The following CRIM1 variants were observed in gnomAD, a reference collection of about 807,000 sequenced individuals.
The protein encoded by CRIM1 is cysteine rich transmembrane BMP regulator 1, also known as cysteine-rich motor neuron 1 protein.
A neutral mutation model predicts 116.4 loss-of-function variants in CRIM1; 32 were observed. The observed-to-expected ratio is 0.27, with a 90% CI of 0.21 to 0.37. The LOEUF is 0.37. Among genes scored for constraint, CRIM1 ranks in the 10% least tolerant of loss-of-function variants. CRIM1 has a pLI of 1.00. For missense variants in CRIM1, 1,331 were observed against 1,354.8 expected (o/e 0.98, Z 0.28); for synonymous variants, 590 against 509.2 (o/e 1.16, Z -2.13).
intron 1 of CRIM1, among the ~76,000 whole-genome samples, chr2:36,359,267 C>G (rs1332400012): frequency 6.6e-6 from 1 of 152,188 alleles, no homozygotes; most frequent in African/African-American, 2.4e-5. Context: ...ATTTAATTGG[C>G]TACGTTGTAA....
rs1681712884 is a variant in CRIM1 at position 36,510,119 on chromosome 2, G to T, written c.1638G>T (p.Lys546Asn). 3 of 1,613,722 alleles carry T rather than the reference G, an allele frequency of 1.9e-6. No homozygotes were observed. Among genetic ancestry groups the T allele is most frequent in the Non-Finnish European group, 2.5e-6 (3 of 1,179,912 alleles). ...PKKCRPIICD[K>N]YCPLGLLKNK... is the part of the protein sequence containing the mutation. Reference sequence around the variant, plus strand: ...AGTGCAGACCCATAATCTGTGACAAGTATTGTCCACTTGGATTGCTGTACG... The same window carrying T: ...AGTGCAGACCCATAATCTGTGACAATTATTGTCCACTTGGATTGCTGTACG... Residue 546 changes from lysine to asparagine, a missense_variant, in exon 9 of 17, where the codon AAG (lysine) becomes AAT (asparagine). Coordinates refer to ENST00000280527, the MANE Select transcript of CRIM1 (RefSeq NM_016441.3).
intron 1 of CRIM1, among the ~76,000 whole-genome samples, chr2:36,363,202 A>G (rs1433496540): frequency 6.7e-6 from 1 of 149,262 alleles, no homozygotes; most frequent in Non-Finnish European, 1.5e-5. Flanking sequence ...CCTGTCTCAA[A>G]AAAAAAAAAA....
chr2:36,450,335 A>G (rs949647738), intron 4 of CRIM1, among the ~76,000 whole-genome samples: 2 of 152,152 alleles, frequency 1.3e-5, no homozygotes, highest in African/African-American at 4.8e-5. Flanking sequence ...CTGTTGCCAC[A>G]TCACTTTCCC....
intron 4 of CRIM1, 138 bp from the exon 5 acceptor site, chr2:36,464,396 C>A: frequency 1.2e-6 from 1 of 829,484 alleles, no homozygotes; most frequent in Non-Finnish European, 1.9e-6. Context: ...TTCCCATTTC[C>A]CAGTGACACC....
chr2:36,430,948 A>G (rs560512047), intron 2 of CRIM1, among the ~76,000 whole-genome samples: 1 of 152,302 alleles, frequency 6.6e-6, no homozygotes, highest in African/African-American at 2.4e-5. Flanking sequence ...GAAATTACCT[A>G]TATAAGGCTG....
intron 1 of CRIM1, among the ~76,000 whole-genome samples, chr2:36,389,605 G>C (rs1001583324): frequency 6.6e-6 from 1 of 152,086 alleles, no homozygotes; most frequent in African/African-American, 2.4e-5. Flanking sequence ...CATATAATAG[G>C]ATGCAGCCAT....
rs560209079 is a variant in CRIM1, at chr2:36,387,051, G to A, written c.332-9563G>A. 6.9e-4 allele frequency among the ~76,000 whole-genome samples: 105 copies of A among 152,310 alleles called. 1 individual carries two copies. The highest frequency in any genetic ancestry group is 6.8e-3 in the Middle Eastern group (2 of 294). On this transcript the variant is annotated intron_variant, in intron 1 of 16. Transcript: ENST00000280527. ...AACTGGCTTTGTGTTATTCCATGCC[G>A]GGTACTCAAATGACTGCATGTTGGA...
At chr2:36,492,160 T>A (rs1046918633) in intron 7 of CRIM1, among the ~76,000 whole-genome samples, 16 of 152,140 alleles carry the variant, frequency 1.1e-4, no homozygotes, top group Admixed American at 2.6e-4. Context: ...AATAAATAGG[T>A]CTAAAATAAA....
intron 5 of CRIM1, 41 bp downstream of exon 5, chr2:36,464,696 T>C: frequency 6.2e-7 from 1 of 1,602,300 alleles, no homozygotes. Flanking sequence ...TGTACATTTG[T>C]GCAGAGGAGG....
chr2:36,453,175 G>A (rs563036882), intron 4 of CRIM1, among the ~76,000 whole-genome samples: 1 of 152,332 alleles, frequency 6.6e-6, no homozygotes, highest in Non-Finnish European at 1.5e-5. Flanking sequence ...GCAACAGTTT[G>A]CAGATAATTC....
intron 12 of CRIM1, among the ~76,000 whole-genome samples, chr2:36,520,045 C>A (rs2125126703): frequency 6.6e-6 from 1 of 152,188 alleles, no homozygotes; most frequent in South Asian, 2.1e-4. Context: ...AGAAAAGAGG[C>A]CCAAAGAAGG....
At chr2:36,456,781 C>A (rs935433664) in intron 4 of CRIM1, among the ~76,000 whole-genome samples, 4 of 152,096 alleles carry the variant, frequency 2.6e-5, no homozygotes, top group Non-Finnish European at 5.9e-5. Flanking sequence ...CTGTCTCCAC[C>A]CCCCCACCAC....
At chr2:36,450,210 G>T (rs1230476741) in intron 4 of CRIM1, among the ~76,000 whole-genome samples, 2 of 152,168 alleles carry the variant, frequency 1.3e-5, no homozygotes, top group Non-Finnish European at 2.9e-5. Flanking sequence ...GCTGGAGAGG[G>T]CCATGTGTGT....
chr2:36,418,022 G>T (rs376825931), intron 2 of CRIM1, among the ~76,000 whole-genome samples: 1 of 152,150 alleles, frequency 6.6e-6, no homozygotes, highest in African/African-American at 2.4e-5. Flanking sequence ...CCGATCTTCT[G>T]TGCAGCACTG....
At chr2:36,380,177 G>A (rs1311094428) in intron 1 of CRIM1, among the ~76,000 whole-genome samples, 1 of 152,190 alleles carries the variant, frequency 6.6e-6, no homozygotes, top group Non-Finnish European at 1.5e-5. Flanking sequence ...CCTGTCCTCA[G>A]AGTGCCAGGC....
At chr2:36,457,944 G>A (rs1677274169) in intron 4 of CRIM1, among the ~76,000 whole-genome samples, 1 of 152,062 alleles carries the variant, frequency 6.6e-6, no homozygotes, top group Admixed American at 6.5e-5. Context: ...AGTAACACAA[G>A]GGCTTTGCCC....
chr2:36,373,078 A>C (rs944269197), intron 1 of CRIM1, among the ~76,000 whole-genome samples: 3 of 152,212 alleles, frequency 2.0e-5, no homozygotes, highest in Non-Finnish European at 4.4e-5. Flanking sequence ...GCCTTCTCTA[A>C]GACTTTATCA....
At chr2:36,475,415 G>T (rs1325144593) in intron 5 of CRIM1, among the ~76,000 whole-genome samples, 1 of 152,082 alleles carries the variant, frequency 6.6e-6, no homozygotes, top group Non-Finnish European at 1.5e-5. Flanking sequence ...AACACAATTT[G>T]GGGAGTTGCA....
At chr2:36,486,292 A>G (rs1224890624) in intron 7 of CRIM1, among the ~76,000 whole-genome samples, 1 of 152,198 alleles carries the variant, frequency 6.6e-6, no homozygotes, top group Non-Finnish European at 1.5e-5. Flanking sequence ...ATGTTGTAGA[A>G]GTAGTTTAAT....
Sources: allele counts gnomAD v4.1 joint callset (sites outside exome capture counted in the v4.1 genomes callset), GRCh38; gene constraint gnomAD v4.1.1; transcripts MANE v1.5; gene names NCBI Gene and HGNC (gene_info 2026-07-23, HGNC 2026-07-21).